The following PTPRM variants were observed in gnomAD, a reference collection of about 807,000 sequenced individuals.
PTPRM encodes the protein protein tyrosine phosphatase receptor type M, also known as receptor-type tyrosine-protein phosphatase mu.
A neutral mutation model predicts 186.7 loss-of-function variants in PTPRM; 47 were observed. The ratio of observed to expected loss-of-function variants is 0.25; its 90% CI spans 0.20 to 0.32. PTPRM has a LOEUF of 0.32. Ranked by LOEUF, PTPRM falls within the 10% of genes least tolerant of loss-of-function variation. The probability of loss-of-function intolerance (pLI) is 1.00; values close to 1 mark genes in which losing one functional copy is unlikely to be tolerated. For missense variants in PTPRM, 1,494 were observed against 1,865.0 expected (o/e 0.80, Z 3.66); for synonymous variants, 668 against 674.9 (o/e 0.99, Z 0.16).
chr18:7,852,392 C>G (rs2046904010), intron 2 of PTPRM, among the ~76,000 whole-genome samples: 1 of 151,944 alleles, frequency 6.6e-6, no homozygotes, highest in Non-Finnish European at 1.5e-5. Context: ...TCCTGGGCAA[C>G]AAAGCTGGAT....
chr18:7,966,071 T>C (rs962394059), intron 7 of PTPRM, among the ~76,000 whole-genome samples: 1 of 152,252 alleles, frequency 6.6e-6, no homozygotes. Context: ...CCATGTTCCT[T>C]TGTGTAACAC....
intron 2 of PTPRM, among the ~76,000 whole-genome samples, chr18:7,876,162 A>G (rs759012126): frequency 6.6e-6 from 1 of 151,978 alleles, no homozygotes; most frequent in Non-Finnish European, 1.5e-5. Context: ...GAGAAATTCA[A>G]AACGTCTGTA....
chr18:8,291,206 G>T (rs2095039630), intron 19 of PTPRM, among the ~76,000 whole-genome samples: 1 of 152,152 alleles, frequency 6.6e-6, no homozygotes, highest in Non-Finnish European at 1.5e-5. Context: ...ATTTTAGCAA[G>T]CCTGAACATA....
intron 14 of PTPRM, among the ~76,000 whole-genome samples, chr18:8,232,283 A>G (rs1158757928): frequency 1.3e-5 from 2 of 152,232 alleles, no homozygotes; most frequent in Admixed American, 6.5e-5. Flanking sequence ...TCATGGCTTC[A>G]TAGCTTATTC....
intron 2 of PTPRM, among the ~76,000 whole-genome samples, chr18:7,826,222 T>G (rs2045477383): frequency 6.6e-6 from 1 of 152,238 alleles, no homozygotes; most frequent in South Asian, 2.1e-4. Flanking sequence ...CTAGCACATC[T>G]TCATCTCCAT....
intron 2 of PTPRM, among the ~76,000 whole-genome samples, chr18:7,842,570 A>G (rs545830932): frequency 3.2e-4 from 49 of 152,248 alleles, no homozygotes; most frequent in Admixed American, 8.5e-4. Context: ...GTAGACTTTG[A>G]GTAAAGCAAA....
intron 14 of PTPRM, among the ~76,000 whole-genome samples, chr18:8,208,498 TAG>T (rs938872951): frequency 1.3e-5 from 2 of 149,390 alleles, no homozygotes; most frequent in African/African-American, 5.0e-5. Context: ...GACTTGTAAG[TAG>T]AGTGGCCAGG....
At chr18:8,095,852 C>A (rs980349366) in intron 11 of PTPRM, among the ~76,000 whole-genome samples, 1 of 152,006 alleles carries the variant, frequency 6.6e-6, no homozygotes, top group Non-Finnish European at 1.5e-5. Flanking sequence ...AATACTAGAA[C>A]GCTTGAAATT....
chr18:8,376,168 G>A lies in PTPRM; in HGVS notation c.3294G>A (p.Pro1098=), dbSNP rs200022785. The A allele has an allele frequency of 1.5e-5, 25 of 1,613,210 alleles. No homozygotes were observed. The Middle Eastern group carries it at 1.6e-3, about 106-fold the overall frequency. Residue 1098 remains proline (P), a synonymous_variant, in exon 25 of 33, where the codon CCG becomes CCA. Coordinates refer to ENST00000580170, the MANE Select transcript of PTPRM (RefSeq NM_001105244.2). ...GFVRQVKSKS[P]PSAGPLVVHC... ...TGCGGCAAGTCAAGTCCAAGAGCCC[G>A]CCCAGTGCAGGCCCACTGGTGGTGC...
chr18:8,189,519 T>C (rs754467559), intron 14 of PTPRM, among the ~76,000 whole-genome samples: 1 of 152,196 alleles, frequency 6.6e-6, no homozygotes, highest in Non-Finnish European at 1.5e-5. Context: ...TTTTGTTTTA[T>C]CCTCAGCCCA....
chr18:8,182,495 G>A (rs2093589478), intron 14 of PTPRM, among the ~76,000 whole-genome samples: 1 of 152,192 alleles, frequency 6.6e-6, no homozygotes, highest in Non-Finnish European at 1.5e-5. Flanking sequence ...ACTAGTGATA[G>A]TACCCTTTTC....
intron 1 of PTPRM, among the ~76,000 whole-genome samples, chr18:7,648,906 G>C (rs1434912854): frequency 6.6e-6 from 1 of 152,204 alleles, no homozygotes; most frequent in Non-Finnish European, 1.5e-5. Flanking sequence ...CAGATTTTCA[G>C]TGAAGATAAA....
intron 21 of PTPRM, 76 bp downstream of exon 21, chr18:8,314,933 T>G: frequency 1.1e-6 from 1 of 897,600 alleles, no homozygotes; most frequent in Admixed American, 2.2e-5. Context: ...TTTTGATACA[T>G]GTATACAATG....
At chr18:7,673,126 C>A (rs1280070931) in intron 1 of PTPRM, among the ~76,000 whole-genome samples, 2 of 152,172 alleles carry the variant, frequency 1.3e-5, no homozygotes, top group Non-Finnish European at 2.9e-5. Context: ...GTGGAGAGAA[C>A]TGGAGATTAA....
At chr18:7,877,863 A>G (rs1441001999) in intron 2 of PTPRM, among the ~76,000 whole-genome samples, 1 of 152,106 alleles carries the variant, frequency 6.6e-6, no homozygotes, top group East Asian at 1.9e-4. Flanking sequence ...TGATTTTCAT[A>G]AGGTCACAGA....
At chr18:7,656,977 C>A (rs2038864616) in intron 1 of PTPRM, among the ~76,000 whole-genome samples, 1 of 152,100 alleles carries the variant, frequency 6.6e-6, no homozygotes, top group East Asian at 1.9e-4. Context: ...GTGTAGGAAG[C>A]AGAGGTATCT....
intron 21 of PTPRM, among the ~76,000 whole-genome samples, chr18:8,316,841 G>A (rs1036650466): frequency 1.2e-4 from 18 of 152,276 alleles, no homozygotes; most frequent in African/African-American, 4.1e-4. Flanking sequence ...TAGCAAGTGA[G>A]CAAGGAAGAC....
intron 7 of PTPRM, among the ~76,000 whole-genome samples, chr18:8,002,473 C>G (rs189088230): frequency 6.6e-6 from 1 of 152,252 alleles, no homozygotes; most frequent in Admixed American, 6.5e-5. Flanking sequence ...CCTTGGATGC[C>G]TGGTATGAGA....
chr18:7,620,442 G>A (rs1254525226), intron 1 of PTPRM, among the ~76,000 whole-genome samples: 3 of 152,166 alleles, frequency 2.0e-5, no homozygotes, highest in Non-Finnish European at 4.4e-5. Flanking sequence ...CTCTGCCACA[G>A]ATGAGGACAA....
Sources: gnomAD v4.1 joint callset for allele counts (sites outside exome capture counted in the v4.1 genomes callset) on GRCh38, gnomAD v4.1.1 for gene constraint, MANE v1.5 for transcripts, NCBI Gene and HGNC (gene_info 2026-07-23, HGNC 2026-07-21) for gene names.